The following AOX1 variants were observed in gnomAD, a reference collection of about 807,000 sequenced individuals.
AOX1 encodes aldehyde oxidase 1.
A neutral mutation model predicts 169.5 loss-of-function variants in AOX1; 153 were observed. The observed-to-expected ratio is 0.90, with a 90% CI of 0.79 to 1.03. The LOEUF is 1.03. AOX1 is among the 50% of genes least tolerant of loss of function. The pLI is 0.00. For synonymous variants in AOX1, 562 were observed against 581.9 expected, an observed-to-expected ratio of 0.97 and a Z score of 0.49; for missense variants, 1,656 against 1,663.9, an observed-to-expected ratio of 1.00 and a Z score of 0.08.
At chr2:200,588,329 T>G (rs9288313) in intron 1 of AOX1, 33,338 of 152,286 alleles carry the variant, frequency 0.22, 3,962 homozygotes, top group East Asian at 0.44. Flanking sequence ...ACATGGGCAG[T>G]GGCCTGATTA....
chr2:200,588,726 C>CTTTT lies in AOX1; in HGVS notation c.45+2591_45+2594dup, dbSNP rs71807461. Among the ~76,000 whole-genome samples the CTTTT allele has an allele frequency of 6.9e-4, 37 of 53,986 alleles. 2 individuals carry two copies. The highest frequency in any genetic ancestry group is 0.021 in the Middle Eastern group (2 of 94). The allele number at this position is 53,986 out of a possible 152,430, so 35.4% of individuals were successfully genotyped here. On this transcript the variant is annotated intron_variant, in intron 1 of 34. Transcript: ENST00000374700. Reference sequence around the variant, plus strand: ...CTTACATGGAAAGAACTAGAATAAGCTTTTTTTTTTTTTTTTTTTTTGAGA... The same window carrying CTTTT: ...CTTACATGGAAAGAACTAGAATAAGCTTTTTTTTTTTTTTTTTTTTTTTTTGAGA...
At chr2:200,621,027 C>T in intron 17 of AOX1, 93 bp from the exon 18 acceptor site, 1 of 1,442,816 alleles carries the variant, frequency 6.9e-7, no homozygotes, top group Non-Finnish European at 9.4e-7. Flanking sequence ...GACTGTTGGA[C>T]AGTTCTTACC....
At chr2:200,630,943 T>C (rs777195005) in intron 20 of AOX1, among the ~76,000 whole-genome samples, 1 of 152,042 alleles carries the variant, frequency 6.6e-6, no homozygotes, top group South Asian at 2.1e-4. Flanking sequence ...TAAACCACCA[T>C]GGCACACGTT....
chr2:200,657,150 T>C (rs2035705151), intron 27 of AOX1, among the ~76,000 whole-genome samples: 2 of 108,436 alleles, frequency 1.8e-5, no homozygotes, highest in Non-Finnish European at 3.7e-5. Flanking sequence ...ATAGGGAGAT[T>C]CCATCTCTAC....
At chr2:200,657,192 T>TATATATA (rs1559258569) in intron 27 of AOX1, among the ~76,000 whole-genome samples, 13 of 68,948 alleles carry the variant, frequency 1.9e-4, no homozygotes, top group South Asian at 4.8e-4. Flanking sequence ...ATATATATAT[T>TATATATA]TTTTTTTTTT....
chr2:200,603,982 C>A, intron 7 of AOX1, 35 bp from the exon 8 acceptor site: 4 of 1,399,808 alleles, frequency 2.9e-6, no homozygotes, highest in South Asian at 1.2e-5. Flanking sequence ...TAAAGTTGCT[C>A]GATAACAGTA....
chr2:200,640,617 C>G (rs369867464), intron 23 of AOX1, among the ~76,000 whole-genome samples: 1 of 152,122 alleles, frequency 6.6e-6, no homozygotes, highest in Non-Finnish European at 1.5e-5. Context: ...TCTGGAAGAA[C>G]GATGAAGAGC....
At chr2:200,618,430 T>C (rs1452531283) in intron 16 of AOX1, among the ~76,000 whole-genome samples, 1 of 152,222 alleles carries the variant, frequency 6.6e-6, no homozygotes, top group Non-Finnish European at 1.5e-5. Flanking sequence ...ACATGTCTTA[T>C]ACCAAGTTAA....
chr2:200,625,047 A>C (rs949130240), intron 19 of AOX1, among the ~76,000 whole-genome samples: 3 of 152,134 alleles, frequency 2.0e-5, no homozygotes, highest in Admixed American at 1.3e-4. Context: ...AGGAACATGG[A>C]GTTTGTCTCT....
At chr2:200,606,939 T>A (rs949561210) in intron 10 of AOX1, among the ~76,000 whole-genome samples, 1 of 152,196 alleles carries the variant, frequency 6.6e-6, no homozygotes, top group Non-Finnish European at 1.5e-5. Flanking sequence ...CAGAGGCAAT[T>A]TGACTCCCTG....
downstream of AOX1, among the ~76,000 whole-genome samples, chr2:200,677,768 C>G (rs1043576165): frequency 3.9e-5 from 6 of 152,216 alleles, no homozygotes; most frequent in African/African-American, 1.4e-4. Flanking sequence ...CCTTGTTTTT[C>G]ATTGTCCTTG....
At chr2:200,679,189 T>C (rs974058971), downstream of AOX1, 2 of 152,254 alleles carry the variant, frequency 1.3e-5, no homozygotes, top group Admixed American at 6.5e-5. Flanking sequence ...ACTCACTCAA[T>C]TAATTATATT....
chr2:200,670,686 T>A lies in AOX1; in HGVS notation c.*7T>A. 1 of 1,610,688 alleles carries A rather than the reference T, an allele frequency of 6.2e-7. No homozygotes were observed. The highest frequency in any genetic ancestry group is 8.5e-7 in the Non-Finnish European group (1 of 1,177,614). On this transcript the variant is annotated 3_prime_UTR_variant, in exon 35 of 35. Coordinates refer to ENST00000374700, the MANE Select transcript of AOX1 (RefSeq NM_001159.4). Reference sequence around the variant, plus strand: ...TTGGAATGTACCCATCTGAATCAAATGCAAACTTCTGGAGAAAACAGAGTG... The same window carrying A: ...TTGGAATGTACCCATCTGAATCAAAAGCAAACTTCTGGAGAAAACAGAGTG...
At chr2:200,631,792 A>C (rs905038826) in intron 20 of AOX1, among the ~76,000 whole-genome samples, 2 of 152,228 alleles carry the variant, frequency 1.3e-5, no homozygotes, top group Non-Finnish European at 2.9e-5. Context: ...TAACAAAATA[A>C]ATTCTGAGTG....
intron 26 of AOX1, 95 bp from the exon 27 acceptor site, chr2:200,656,747 T>G: frequency 1.0e-6 from 1 of 958,168 alleles, no homozygotes; most frequent in Non-Finnish European, 1.5e-6. Flanking sequence ...GCGGGATTCT[T>G]GGAGGGAAAT....
intron 20 of AOX1, among the ~76,000 whole-genome samples, chr2:200,628,469 C>T (rs569477409): frequency 4.1e-4 from 63 of 152,322 alleles, no homozygotes; most frequent in African/African-American, 1.5e-3. Flanking sequence ...GTCATTGCTG[C>T]TGTGAAAGCT....
downstream of AOX1, among the ~76,000 whole-genome samples, chr2:200,677,618 A>G (rs2036118358): frequency 6.6e-6 from 1 of 152,240 alleles, no homozygotes; most frequent in African/African-American, 2.4e-5. Flanking sequence ...TTCACAGTTC[A>G]CTGACATTTT....
At chr2:200,652,380 G>A (rs35482569) in intron 26 of AOX1, among the ~76,000 whole-genome samples, 80,040 of 152,036 alleles carry the variant, frequency 0.53, 22,719 homozygotes, top group Middle Eastern at 0.65. Flanking sequence ...TCATCTGCAT[G>A]CAGTTTACTC....
intron 1 of AOX1, 64 bp from the exon 2 acceptor site, chr2:200,593,082 G>T (rs1036466723): frequency 4.0e-6 from 5 of 1,261,060 alleles, no homozygotes; most frequent in Non-Finnish European, 5.8e-6. Context: ...AAATTAGTGT[G>T]ATCCTACCAA....
Sources: gnomAD v4.1 joint callset for allele counts (sites outside exome capture counted in the v4.1 genomes callset) on GRCh38, gnomAD v4.1.1 for gene constraint, MANE v1.5 for transcripts, NCBI Gene and HGNC (gene_info 2026-07-23, HGNC 2026-07-21) for gene names.